Variants in DOT1L observed in about 807,000 individuals in gnomAD.
The protein encoded by DOT1L is histone-lysine N-methyltransferase, H3 lysine-79 specific.
A neutral mutation model predicts 153.3 loss-of-function variants in DOT1L; 33 were observed. The ratio of observed to expected loss-of-function variants is 0.22; its 90% CI spans 0.16 to 0.29. The LOEUF (loss-of-function observed/expected upper bound fraction) is 0.29. DOT1L is among the 10% of genes least tolerant of loss of function. The pLI is 1.00. For missense variants in DOT1L, 1,847 were observed against 2,119.9 expected, an observed-to-expected ratio of 0.87 and a Z score of 2.53; for synonymous variants, 1,135 against 965.1, an observed-to-expected ratio of 1.18 and a Z score of -3.26.
At position 2,217,066 on chromosome 19, in the gene DOT1L, T is replaced by C; in HGVS notation, c.2520T>C (p.Leu840=). Residue 840 remains leucine (L), a synonymous_variant, in exon 21 of 28, where the codon CTT becomes CTC. Coordinates refer to ENST00000398665, the MANE Select transcript of DOT1L (RefSeq NM_032482.3). The surrounding 1 kb of genome is among the most constrained non-coding windows in gnomAD (Gnocchi z 7.3). Reference sequence around the variant, plus strand: ...CCCTGTCCCCTGGGGCCTTGCAGCTTGCTGGAGAGAAGAGCAGTGAGAAGG... The same window carrying C: ...CCCTGTCCCCTGGGGCCTTGCAGCTCGCTGGAGAGAAGAGCAGTGAGAAGG... ...PRPLSPGALQ[L]AGEKSSEKGL... The C allele has an allele frequency of 6.2e-7, 1 of 1,608,972 alleles. No homozygotes were observed. Among genetic ancestry groups the C allele is most frequent in the South Asian group, 1.1e-5 (1 of 90,958 alleles).
chr19:2,229,236 CCT>C (rs1466468088), intron 27 of DOT1L: 45 of 985,482 alleles, frequency 4.6e-5, no homozygotes, highest in Middle Eastern at 5.2e-4. Flanking sequence ...GCCGCTGACC[CCT>C]GAGGGCAGTT....
chr19:2,174,936 C>G (rs2021837499), intron 1 of DOT1L, among the ~76,000 whole-genome samples: 2 of 149,922 alleles, frequency 1.3e-5, no homozygotes, highest in Non-Finnish European at 3.0e-5. Context: ...TATGTCTGAT[C>G]TCTTTTTAAG....
At chr19:2,165,541 G>T (rs2019880560) in intron 1 of DOT1L, among the ~76,000 whole-genome samples, 2 of 152,234 alleles carry the variant, frequency 1.3e-5, no homozygotes, top group African/African-American at 4.8e-5. Flanking sequence ...CGCCAGGAGA[G>T]GTCCTAGGAC....
Position 2,204,958 on chromosome 19 carries a change from T to A in DOT1L, c.788-1771T>A, listed in dbSNP as rs1369207590. On this transcript the variant is annotated intron_variant, in intron 9 of 27. Coordinates refer to ENST00000398665, the MANE Select transcript of DOT1L (RefSeq NM_032482.3). The surrounding 1 kb of genome is among the most constrained non-coding windows in gnomAD (Gnocchi z 5.7). ...CGGAGTGTGCATGTGTTTAAATGGA[T>A]CCACTTTGACTTTTAATTTTTTTTT... is the stretch of plus-strand genomic sequence containing the variant. 1.3e-5 allele frequency among the ~76,000 whole-genome samples: 2 copies of A among 151,536 alleles called. No individual in the cohort carries two copies. The highest frequency in any genetic ancestry group is 1.9e-4 in the East Asian group (1 of 5,172).
chr19:2,206,244 C>G (rs2023485569), intron 9 of DOT1L, among the ~76,000 whole-genome samples: 2 of 152,128 alleles, frequency 1.3e-5, no homozygotes, highest in East Asian at 3.8e-4. Context: ...CCTCAGCCTC[C>G]CAAAGTGCTG....
chr19:2,212,631 T>A (rs1368134198), intron 16 of DOT1L: 2 of 152,316 alleles, frequency 1.3e-5, no homozygotes, highest in East Asian at 3.9e-4. Context: ...TAGGCTAAAC[T>A]TCTTTGGTTC....
intron 19 of DOT1L, chr19:2,215,753 C>T (rs1239706814): frequency 6.6e-6 from 1 of 152,616 alleles, no homozygotes; most frequent in Non-Finnish European, 1.5e-5. Context: ...CAGCCGGGCC[C>T]TGTGGGTCTG....
chr19:2,164,707 C>T (rs2144624228), intron 1 of DOT1L, among the ~76,000 whole-genome samples: 1 of 152,134 alleles, frequency 6.6e-6, no homozygotes, highest in Admixed American at 6.6e-5. Flanking sequence ...GCGTTTGTCA[C>T]GCTTTTCCTA....
rs970585784 is a variant in DOT1L, at chr19:2,185,844, C to T, written c.126-11C>T. On this transcript the variant is annotated splice_polypyrimidine_tract_variant and intron_variant, in intron 2 of 27. Coordinates refer to ENST00000398665, the MANE Select transcript of DOT1L (RefSeq NM_032482.3). ...AAACCCTTCCTGATCGTTTCTGCTG[C>T]TGTGTTTCAGATGGGTCTGTGAAGA... 3.7e-6 allele frequency: 6 copies of T among 1,613,692 alleles called. No individual in the cohort carries two copies. Among genetic ancestry groups the T allele is most frequent in the Middle Eastern group, 1.6e-4 (1 of 6,082 alleles).
At chr19:2,165,851 C>T (rs1182183606) in intron 1 of DOT1L, among the ~76,000 whole-genome samples, 2 of 151,554 alleles carry the variant, frequency 1.3e-5, no homozygotes, top group Non-Finnish European at 2.9e-5. Flanking sequence ...TCGCTGCAAG[C>T]TCCGCCTCCC....
rs528998179 is a variant in DOT1L at position 2,211,176 on chromosome 19, G to T, written c.1429G>T (p.Val477Leu). ...GCGGCACTCCCCCAACCCGCTGCTG[G>T]TGGCGCCCACCCCGCCCGCGCTGCA... ...VQRHSPNPLL[V>L]APTPPALQKL... Residue 477 changes from valine to leucine, a missense_variant, in exon 15 of 28, where the codon GTG becomes TTG. Transcript: ENST00000398665. 2 of 1,612,072 alleles carry T rather than the reference G, an allele frequency of 1.2e-6. No homozygotes were observed. Among genetic ancestry groups the T allele is most frequent in the African/African-American group, 2.7e-5 (2 of 74,916 alleles).
chr19:2,207,696 C>T lies in DOT1L; in HGVS notation c.963+16C>T, dbSNP rs201999975. ...CCGCACCATAGTGAGTATCTCGCTGCGCCTCAGCCGCAGGGCCGTCCTGGT... is the reference window on the plus strand; with the variant it reads ...CCGCACCATAGTGAGTATCTCGCTGTGCCTCAGCCGCAGGGCCGTCCTGGT... On this transcript the variant is annotated intron_variant, in intron 11 of 27. Coordinates refer to ENST00000398665, the MANE Select transcript of DOT1L (RefSeq NM_032482.3). This position sits in a 1 kb window ranked among gnomAD's most constrained non-coding sequence, Gnocchi z 4.5. The T allele has an allele frequency of 6.6e-5, 105 of 1,599,656 alleles. 1 individual carries two copies. In the East Asian group the frequency reaches 1.9e-3, roughly 28 times the overall value.
chr19:2,194,708 T>A, intron 7 of DOT1L, 131 bp downstream of exon 7: 2 of 618,352 alleles, frequency 3.2e-6, no homozygotes, highest in Non-Finnish European at 4.9e-6. Flanking sequence ...TGGAGTCCCC[T>A]CTGGTTCTCG....
chr19:2,228,265 C>T (rs1461432576), intron 27 of DOT1L: 2 of 1,360,416 alleles, frequency 1.5e-6, no homozygotes, highest in Non-Finnish European at 2.0e-6. Context: ...CAGGCCAGCG[C>T]CACGGGGCCG....
At chr19:2,194,684 C>CATGGCTGTTGGCAA in intron 7 of DOT1L, 107 bp downstream of exon 7, 1 of 1,271,832 alleles carries the variant, frequency 7.9e-7, no homozygotes, top group Non-Finnish European at 1.1e-6. Context: ...GCTGTTGGCA[C>CATGGCTGTTGGCAA]ATGGTGTGCC....
At chr19:2,168,603 C>T (rs967332791) in intron 1 of DOT1L, among the ~76,000 whole-genome samples, 7 of 152,152 alleles carry the variant, frequency 4.6e-5, no homozygotes, top group South Asian at 2.1e-4. Context: ...CCGCTTTTCT[C>T]AAGCCCCGCA....
At position 2,211,218 on chromosome 19, in the gene DOT1L, C is replaced by A; in HGVS notation, c.1465+6C>A. 6.3e-7 allele frequency: 1 copy of A among 1,599,012 alleles called. No individual in the cohort carries two copies. The highest frequency in any genetic ancestry group is 1.7e-5 in the Admixed American group (1 of 59,114). On this transcript the variant is annotated splice_donor_region_variant and intron_variant, in intron 15 of 27. Coordinates refer to ENST00000398665, the MANE Select transcript of DOT1L (RefSeq NM_032482.3). ...CGCGCTGCAGAAGCTTCTAGGTGAG[C>A]CCGTGTGAGGCGTCCGGCGAAGGGT...
At chr19:2,201,594 G>A (rs149299578) in intron 8 of DOT1L, among the ~76,000 whole-genome samples, 87 of 152,360 alleles carry the variant, frequency 5.7e-4, no homozygotes, top group African/African-American at 1.9e-3. Flanking sequence ...TGTGCCCGCC[G>A]GCGGGTGTTC....
rs2024557443 is a variant in DOT1L, at chr19:2,230,569, G to C, written c.*777G>C. On this transcript the variant is annotated 3_prime_UTR_variant, in exon 28 of 28. Coordinates refer to ENST00000398665, the MANE Select transcript of DOT1L (RefSeq NM_032482.3). Reference sequence around the variant, plus strand: ...CTCGGCTGTCCATGGCTCGCAGCATGCCCTGCGATGCGGGGCAGGCCTGTC... The same window carrying C: ...CTCGGCTGTCCATGGCTCGCAGCATCCCCTGCGATGCGGGGCAGGCCTGTC... The C allele has an allele frequency of 2.5e-6, 1 of 398,612 alleles. No individual in the cohort carries two copies. Among genetic ancestry groups the C allele is most frequent in the Non-Finnish European group, 4.4e-6 (1 of 226,112 alleles). The allele number at this position is 398,612 out of a possible 1,614,324, so 24.7% of individuals were successfully genotyped here.
Sources: allele counts gnomAD v4.1 joint callset (sites outside exome capture counted in the v4.1 genomes callset), GRCh38; gene constraint gnomAD v4.1.1; non-coding constraint Gnocchi (gnomAD v3.1); transcripts MANE v1.5; gene names NCBI Gene and HGNC (gene_info 2026-07-23, HGNC 2026-07-21).